The following TRIO variants were observed in gnomAD, a reference collection of about 807,000 sequenced individuals.
TRIO encodes triple functional domain protein.
TRIO carries 58 observed loss-of-function variants against 351.9 expected under a neutral mutation model. The ratio of observed to expected loss-of-function variants is 0.16; its 90% CI spans 0.13 to 0.21. TRIO has a LOEUF of 0.21. TRIO is among the 10% of genes least tolerant of loss of function. TRIO has a pLI of 1.00. For missense variants in TRIO, 3,201 were observed against 4,027.8 expected, an observed-to-expected ratio of 0.79 and a Z score of 5.56; for synonymous variants, 1,758 against 1,595.7, an observed-to-expected ratio of 1.10 and a Z score of -2.42.
At chr5:14,483,623 G>T (rs777830936) in intron 46 of TRIO, among the ~76,000 whole-genome samples, 10 of 152,170 alleles carry the variant, frequency 6.6e-5, no homozygotes, top group Non-Finnish European at 1.2e-4. Context: ...CCTGGGGTGG[G>T]TCTGTCCGTG....
intron 27 of TRIO, 109 bp downstream of exon 27, chr5:14,391,099 C>A: frequency 1.2e-6 from 1 of 821,000 alleles, no homozygotes; most frequent in East Asian, 3.0e-5. Flanking sequence ...TCATTTTTGT[C>A]TATCATTTTT....
At chr5:14,240,874 A>G (rs554467092) in intron 1 of TRIO, among the ~76,000 whole-genome samples, 2 of 152,318 alleles carry the variant, frequency 1.3e-5, no homozygotes, top group African/African-American at 4.8e-5. Context: ...GTATTCATTA[A>G]AACTGTTGGC....
intron 1 of TRIO, among the ~76,000 whole-genome samples, chr5:14,165,175 T>G (rs1403175557): frequency 1.3e-5 from 2 of 152,236 alleles, no homozygotes; most frequent in Non-Finnish European, 2.9e-5. Context: ...AGATTTGTTA[T>G]GTGAGAATAT....
At chr5:14,248,711 C>T (rs1172554306) in intron 1 of TRIO, among the ~76,000 whole-genome samples, 1 of 152,214 alleles carries the variant, frequency 6.6e-6, no homozygotes, top group Non-Finnish European at 1.5e-5. Flanking sequence ...TGCTTTGGAA[C>T]AGGTCATCAG....
At chr5:14,209,834 C>T (rs1791772041) in intron 1 of TRIO, among the ~76,000 whole-genome samples, 1 of 152,220 alleles carries the variant, frequency 6.6e-6, no homozygotes, top group Non-Finnish European at 1.5e-5. Flanking sequence ...GATTTTTTAT[C>T]AGACTCAGAT....
intron 1 of TRIO, among the ~76,000 whole-genome samples, chr5:14,208,811 A>G (rs171592): frequency 0.54 from 81,445 of 152,050 alleles, 22,427 homozygotes; most frequent in Non-Finnish European, 0.6. Context: ...CCTCACTTCT[A>G]TTTTCTGTTC....
At chr5:14,247,016 T>C (rs1333935919) in intron 1 of TRIO, among the ~76,000 whole-genome samples, 2 of 152,242 alleles carry the variant, frequency 1.3e-5, no homozygotes, top group African/African-American at 4.8e-5. Flanking sequence ...ACACCAGCAA[T>C]GTGTGTCCTC....
intron 33 of TRIO, among the ~76,000 whole-genome samples, chr5:14,417,347 T>A (rs1444627208): frequency 6.6e-6 from 1 of 152,250 alleles, no homozygotes; most frequent in Non-Finnish European, 1.5e-5. Context: ...TGTGGTTGTC[T>A]AGTGGACATG....
chr5:14,156,707 A>G (rs958256627), intron 1 of TRIO, among the ~76,000 whole-genome samples: 40 of 152,360 alleles, frequency 2.6e-4, no homozygotes, highest in African/African-American at 9.6e-4. Context: ...CACCACGGTG[A>G]TAAATGAACC....
At chr5:14,381,469 A>G (rs1420299820) in intron 21 of TRIO, among the ~76,000 whole-genome samples, 1 of 152,112 alleles carries the variant, frequency 6.6e-6, no homozygotes, top group African/African-American at 2.4e-5. Context: ...ATGTCTGTGA[A>G]TACGGCCATC....
At chr5:14,291,662 G>A (rs183896210) in intron 5 of TRIO, among the ~76,000 whole-genome samples, 2,250 of 151,588 alleles carry the variant, frequency 0.015, 22 homozygotes, top group Non-Finnish European at 0.019. Context: ...GGTGGCACGC[G>A]CCTGTAATCC....
chr5:14,283,083 T>C (rs776594816), intron 3 of TRIO, among the ~76,000 whole-genome samples: 2 of 152,198 alleles, frequency 1.3e-5, no homozygotes, highest in Non-Finnish European at 2.9e-5. Flanking sequence ...AAACAAATTA[T>C]GTGATACAGA....
chr5:14,206,797 A>ATAAG (rs1226478561), intron 1 of TRIO, among the ~76,000 whole-genome samples: 1 of 152,262 alleles, frequency 6.6e-6, no homozygotes, highest in Admixed American at 6.5e-5. Context: ...TTCCTAGGAT[A>ATAAG]TAAGTACCTA....
intron 33 of TRIO, among the ~76,000 whole-genome samples, chr5:14,417,446 C>A (rs1306985609): frequency 6.6e-6 from 1 of 152,228 alleles, no homozygotes; most frequent in Non-Finnish European, 1.5e-5. Context: ...ATGGCAGAGG[C>A]TCCCAGAGGT....
Position 14,492,568 on chromosome 5 carries a change from G to A in TRIO, c.7634G>A (p.Ser2545Asn). ...QSVQSTQSNG[S>N]ESSSSSNIST... is the part of the protein sequence containing the mutation. ...CTGTCTTCATCTGTCCCTCTGCAGA[G>A]TGAAAGCAGCAGCAGTAGCAACATC... is the stretch of plus-strand genomic sequence containing the variant. The change falls in exon 49 of 57, where the codon AGT becomes AAT. Residue 2545 changes from serine (S) to asparagine (N), a missense_variant and splice_region_variant. This residue lies in a region of TRIO where 1,089 missense variants were observed against 954.9 expected (regional missense o/e 1.14). Transcript: ENST00000344204. 4 of 1,614,098 alleles carry A rather than the reference G, an allele frequency of 2.5e-6. No homozygotes were observed. Among genetic ancestry groups the A allele is most frequent in the Non-Finnish European group, 3.4e-6 (4 of 1,180,004 alleles).
At chr5:14,447,176 G>C (rs949495464) in intron 34 of TRIO, among the ~76,000 whole-genome samples, 2 of 152,160 alleles carry the variant, frequency 1.3e-5, no homozygotes, top group African/African-American at 4.8e-5. Context: ...AGGTCACAGT[G>C]AGCCAAGATC....
chr5:14,221,053 T>A (rs1792587088), intron 1 of TRIO, among the ~76,000 whole-genome samples: 1 of 152,210 alleles, frequency 6.6e-6, no homozygotes, highest in Non-Finnish European at 1.5e-5. Flanking sequence ...GGGACTTTGT[T>A]GAAGCCAATG....
At position 14,485,105 on chromosome 5, in the gene TRIO, G is replaced by A; in HGVS notation, c.6694G>A (p.Asp2232Asn). ...TTGCCTGGAGGAAAATGTGGAAAATGATCCCTGTAAATTTGCTCTGACATC... is the reference window on the plus strand; with the variant it reads ...TTGCCTGGAGGAAAATGTGGAAAATAATCCCTGTAAATTTGCTCTGACATC... ...CLCLEENVEN[D>N]PCKFALTSRT... is the part of the protein sequence containing the mutation. Residue 2232 changes from aspartate to asparagine, a missense_variant, in exon 47 of 57, where the codon GAT (aspartate) becomes AAT (asparagine). Physicochemically the swap from Asp to Asn is conservative, Grantham distance 23. Transcript: ENST00000344204. The A allele has an allele frequency of 6.4e-7, 1 of 1,552,662 alleles. No individual in the cohort carries two copies. The highest frequency in any genetic ancestry group is 8.8e-7 in the Non-Finnish European group (1 of 1,141,132).
intron 48 of TRIO, 134 bp downstream of exon 48, chr5:14,488,394 C>A: frequency 7.5e-7 from 1 of 1,338,110 alleles, no homozygotes; most frequent in Non-Finnish European, 9.9e-7. Context: ...CTACCTGGGA[C>A]CAGGCTAACC....
Sources: allele counts gnomAD v4.1 joint callset (sites outside exome capture counted in the v4.1 genomes callset), GRCh38; gene constraint gnomAD v4.1.1; regional missense constraint gnomAD v4.1.1; transcripts MANE v1.5; gene names NCBI Gene and HGNC (gene_info 2026-07-23, HGNC 2026-07-21).